Variants in XRCC4 observed in about 807,000 individuals in gnomAD.
XRCC4 encodes X-ray repair cross complementing 4, also known as DNA repair protein XRCC4.
A neutral mutation model predicts 39.1 loss-of-function variants in XRCC4; 28 were observed. That is an observed-to-expected ratio of 0.72 (90% CI 0.53 to 0.98). XRCC4 has a LOEUF of 0.98. Among genes scored for constraint, XRCC4 ranks in the 50% least tolerant of loss-of-function variants. The probability of loss-of-function intolerance (pLI) is 0.00; values close to 1 mark genes in which losing one functional copy is unlikely to be tolerated. For missense variants in XRCC4, 350 were observed against 376.4 expected, an observed-to-expected ratio of 0.93 and a Z score of 0.58; for synonymous variants, 123 against 126.4, an observed-to-expected ratio of 0.97 and a Z score of 0.18.
intron 3 of XRCC4, among the ~76,000 whole-genome samples, chr5:83,122,921 A>G (rs1394461034): frequency 6.6e-6 from 1 of 151,994 alleles, no homozygotes; most frequent in Non-Finnish European, 1.5e-5. Flanking sequence ...AATCCCTTTA[A>G]ATTTATTGGG....
chr5:83,233,269 G>C lies in XRCC4; in HGVS notation c.746-25261G>C, dbSNP rs112537760. Reference sequence around the variant, plus strand: ...AAATCCTACTTATTTCTCCAGCTTTGACTTGGATAACCACATCTTCTGTGG... The same window carrying C: ...AAATCCTACTTATTTCTCCAGCTTTCACTTGGATAACCACATCTTCTGTGG... On this transcript the variant is annotated intron_variant, in intron 6 of 7. Transcript: ENST00000396027. 5.9e-3 allele frequency among the ~76,000 whole-genome samples: 903 copies of C among 152,144 alleles called. 12 individuals carry two copies. Among genetic ancestry groups the C allele is most frequent in the African/African-American group, 0.021 (867 of 41,516 alleles).
At chr5:83,306,931 C>G (rs867494083) in intron 7 of XRCC4, among the ~76,000 whole-genome samples, 2 of 152,038 alleles carry the variant, frequency 1.3e-5, no homozygotes, top group African/African-American at 4.8e-5. Flanking sequence ...TCATAACTCT[C>G]TAGAATATTT....
At chr5:83,234,814 A>T (rs137952934) in intron 6 of XRCC4, among the ~76,000 whole-genome samples, 2,612 of 151,488 alleles carry the variant, frequency 0.017, 34 homozygotes, top group Admixed American at 0.048. Context: ...TTTGACATTT[A>T]AAAAAAAATT....
rs553149451 is a variant in XRCC4 at position 83,271,791 on chromosome 5, C to A, written c.893+13114C>A. On this transcript the variant is annotated intron_variant, in intron 7 of 7. Coordinates refer to ENST00000396027, the MANE Select transcript of XRCC4 (RefSeq NM_003401.5). ...AATAGTGCTGGGCATTCTAGTCCAG[C>A]ATATGCCCAGGAGTGAAAATGAAAT... Among the ~76,000 whole-genome samples, 8 of 152,286 alleles carry A rather than the reference C, an allele frequency of 5.3e-5. No individual in the cohort carries two copies. In the East Asian group the frequency reaches 1.5e-3, roughly 29 times the overall value.
At chr5:83,165,730 C>T (rs12518557) in intron 3 of XRCC4, among the ~76,000 whole-genome samples, 9,613 of 152,128 alleles carry the variant, frequency 0.063, 1,015 homozygotes, top group East Asian at 0.48. Flanking sequence ...AGTGAGAATG[C>T]ACAGTATTTG....
At chr5:83,132,363 T>A (rs983857783) in intron 3 of XRCC4, among the ~76,000 whole-genome samples, 1 of 152,074 alleles carries the variant, frequency 6.6e-6, no homozygotes, top group Non-Finnish European at 1.5e-5. Context: ...TGTGTCTTGG[T>A]GTTGCTGTTC....
intron 6 of XRCC4, among the ~76,000 whole-genome samples, chr5:83,253,007 T>C (rs1753385319): frequency 6.6e-6 from 1 of 152,142 alleles, no homozygotes; most frequent in Non-Finnish European, 1.5e-5. Context: ...ATGTATAAGA[T>C]GAGTGATTCA....
intron 1 of XRCC4, among the ~76,000 whole-genome samples, chr5:83,086,361 CAT>C (rs1561314899): frequency 1.3e-5 from 2 of 152,078 alleles, no homozygotes; most frequent in East Asian, 3.9e-4. Context: ...TCATCAATAA[CAT>C]AAACAGTTGA....
chr5:83,129,809 A>G (rs1747471432), intron 3 of XRCC4, among the ~76,000 whole-genome samples: 1 of 152,114 alleles, frequency 6.6e-6, no homozygotes, highest in African/African-American at 2.4e-5. Flanking sequence ...ATTTTTGTAC[A>G]TTGATTTTGT....
intron 6 of XRCC4, among the ~76,000 whole-genome samples, chr5:83,205,343 C>T (rs948426008): frequency 1.3e-5 from 2 of 152,166 alleles, no homozygotes; most frequent in African/African-American, 4.8e-5. Flanking sequence ...AAGTTGAGGC[C>T]TTCTTTCACT....
At chr5:83,097,437 C>A (rs767468866) in intron 1 of XRCC4, among the ~76,000 whole-genome samples, 2 of 150,074 alleles carry the variant, frequency 1.3e-5, no homozygotes, top group Non-Finnish European at 1.5e-5. Flanking sequence ...TAAATGGGTG[C>A]GGTTTTAAGT....
chr5:83,221,777 A>C (rs897810408), intron 6 of XRCC4, among the ~76,000 whole-genome samples: 1 of 151,662 alleles, frequency 6.6e-6, no homozygotes, highest in African/African-American at 2.4e-5. Flanking sequence ...ATTTAATATT[A>C]ATAATATTAA....
intron 3 of XRCC4, among the ~76,000 whole-genome samples, chr5:83,191,404 T>C (rs1276467939): frequency 6.6e-6 from 1 of 151,758 alleles, no homozygotes; most frequent in Non-Finnish European, 1.5e-5. Flanking sequence ...TGAGATCTGA[T>C]GGTTTTAAAA....
intron 7 of XRCC4, among the ~76,000 whole-genome samples, chr5:83,326,599 G>T (rs918790970): frequency 3.9e-5 from 6 of 151,990 alleles, no homozygotes; most frequent in Admixed American, 3.9e-4. Flanking sequence ...TCCAGGCTTT[G>T]AACTACAATA....
intron 1 of XRCC4, 108 bp from the exon 2 acceptor site, chr5:83,104,802 C>T: frequency 5.0e-6 from 5 of 1,004,382 alleles, no homozygotes; most frequent in Non-Finnish European, 7.3e-6. Context: ...TTTTGTTTTG[C>T]TTATTTTCTT....
At chr5:83,225,463 C>T (rs1473511379) in intron 6 of XRCC4, among the ~76,000 whole-genome samples, 1 of 151,804 alleles carries the variant, frequency 6.6e-6, no homozygotes, top group Non-Finnish European at 1.5e-5. Context: ...TATTATATGT[C>T]CACCTGCTTG....
chr5:83,357,258 G>A (rs1375396308), downstream of XRCC4, among the ~76,000 whole-genome samples: 1 of 152,166 alleles, frequency 6.6e-6, no homozygotes, highest in African/African-American at 2.4e-5. Flanking sequence ...TCCTGTTTCT[G>A]TTGAGGTTAT....
At chr5:83,081,107 C>A (rs7720588) in intron 1 of XRCC4, among the ~76,000 whole-genome samples, 1 of 151,950 alleles carries the variant, frequency 6.6e-6, no homozygotes, top group Non-Finnish European at 1.5e-5. Flanking sequence ...AGCCTCCTCA[C>A]GGGGCCTTGG....
intron 6 of XRCC4, among the ~76,000 whole-genome samples, chr5:83,233,366 A>G (rs1168372682): frequency 1.3e-5 from 2 of 152,140 alleles, no homozygotes; most frequent in African/African-American, 4.8e-5. Flanking sequence ...CAGAGAGAAA[A>G]TAAGCAGCTT....
Sources: gnomAD v4.1 joint callset for allele counts (sites outside exome capture counted in the v4.1 genomes callset) on GRCh38, gnomAD v4.1.1 for gene constraint, MANE v1.5 for transcripts, NCBI Gene and HGNC (gene_info 2026-07-23, HGNC 2026-07-21) for gene names.